Variants in ASIC5 observed in about 807,000 individuals in gnomAD.
ASIC5 encodes the protein bile acid-sensitive ion channel.
ASIC5 carries 52 observed loss-of-function variants against 51.2 expected under a neutral mutation model. The observed-to-expected ratio is 1.02, with a 90% confidence interval of 0.81 to 1.28. The LOEUF is 1.28. Ranked by LOEUF, ASIC5 falls within the 50% of genes most tolerant of loss-of-function variation. The pLI is 0.00. For synonymous variants in ASIC5, 231 were observed against 200.7 expected (o/e 1.15, Z -1.28); for missense variants, 635 against 595.0 (o/e 1.07, Z -0.70).
At chr4:155,833,696 C>T (rs1031169508) in intron 8 of ASIC5, among the ~76,000 whole-genome samples, 15 of 152,166 alleles carry the variant, frequency 9.9e-5, no homozygotes, top group African/African-American at 3.6e-4. Context: ...ATTTCCCAAG[C>T]ACAACATTCA....
chr4:155,853,707 A>G (rs1288556045), intron 3 of ASIC5, among the ~76,000 whole-genome samples: 2 of 150,516 alleles, frequency 1.3e-5, no homozygotes, highest in Non-Finnish European at 3.0e-5. Context: ...TACCATAAGC[A>G]TATATGCAGA....
intron 6 of ASIC5, among the ~76,000 whole-genome samples, chr4:155,840,572 C>T (rs1741093998): frequency 6.6e-6 from 1 of 150,872 alleles, no homozygotes; most frequent in South Asian, 2.1e-4. Context: ...TGTTTCTAAC[C>T]TCCAAGCTGT....
At chr4:155,865,359 A>C (rs938149358) in intron 1 of ASIC5, among the ~76,000 whole-genome samples, 2 of 152,106 alleles carry the variant, frequency 1.3e-5, no homozygotes, top group African/African-American at 4.8e-5. Flanking sequence ...AATTAGCAAA[A>C]TATATTTAAA....
At chr4:155,865,496 A>G (rs1028451197) in intron 1 of ASIC5, among the ~76,000 whole-genome samples, 1 of 152,138 alleles carries the variant, frequency 6.6e-6, no homozygotes, top group African/African-American at 2.4e-5. Context: ...AACTATTAGA[A>G]GGGGAAGACT....
At chr4:155,832,662 C>T (rs935381429) in intron 8 of ASIC5, among the ~76,000 whole-genome samples, 17 of 152,122 alleles carry the variant, frequency 1.1e-4, no homozygotes, top group Non-Finnish European at 1.6e-4. Flanking sequence ...AACTTTAATA[C>T]GTTCCAAGTC....
In ASIC5 at chr4:155,836,873, G is replaced by A; in HGVS notation, c.1067-16C>T. On this transcript the variant is annotated splice_polypyrimidine_tract_variant and intron_variant, in intron 7 of 9. Coordinates refer to ENST00000537611, the MANE Select transcript of ASIC5 (RefSeq NM_017419.3). The stretch of plus-strand genomic sequence containing the variant: ...TCAATGTGGTCTGAAATGAAAATCA[G>A]GACAGGGAATTCAGAGAAGAGAAAT... The A allele has an allele frequency of 6.4e-7, 1 of 1,553,234 alleles. No homozygotes were observed. The highest frequency in any genetic ancestry group is 1.8e-5 in the Admixed American group (1 of 55,184).
intron 4 of ASIC5, among the ~76,000 whole-genome samples, chr4:155,848,152 T>C (rs1409070545): frequency 2.0e-5 from 3 of 151,974 alleles, no homozygotes; most frequent in African/African-American, 7.2e-5. Context: ...AAGAATGAAG[T>C]TTTTTTCTTT....
At chr4:155,848,483 G>A (rs1005810134) in intron 4 of ASIC5, among the ~76,000 whole-genome samples, 1 of 151,944 alleles carries the variant, frequency 6.6e-6, no homozygotes, top group Non-Finnish European at 1.5e-5. Context: ...TAATGGAAAG[G>A]CCTGTAATTC....
chr4:155,841,145 T>G (rs943421811), intron 6 of ASIC5, among the ~76,000 whole-genome samples: 1 of 152,162 alleles, frequency 6.6e-6, no homozygotes, highest in African/African-American at 2.4e-5. Context: ...TGAATTAGTT[T>G]TTCTCTATTG....
chr4:155,852,874 A>C (rs1435099837), intron 3 of ASIC5, among the ~76,000 whole-genome samples: 2 of 152,006 alleles, frequency 1.3e-5, no homozygotes, highest in Non-Finnish European at 2.9e-5. Flanking sequence ...TATTAAGTGG[A>C]TACTGGAGTG....
chr4:155,838,382 T>A (rs7668306), intron 7 of ASIC5, among the ~76,000 whole-genome samples: 111,291 of 152,108 alleles, frequency 0.73, 43,681 homozygotes, highest in Non-Finnish European at 0.87. Flanking sequence ...ATTCCATTTA[T>A]GAAAAAATTT....
chr4:155,863,226 T>A (rs1560755305), intron 2 of ASIC5, among the ~76,000 whole-genome samples: 1 of 151,976 alleles, frequency 6.6e-6, no homozygotes, highest in Non-Finnish European at 1.5e-5. Flanking sequence ...TAGAATATGA[T>A]TGTGGAAGGA....
Position 155,863,608 on chromosome 4 carries a change from C to A in ASIC5, c.187G>T (p.Val63Leu), listed in dbSNP as rs755908351. 6.8e-6 allele frequency: 11 copies of A among 1,613,774 alleles called. No homozygotes were observed. The East Asian group carries it at 2.5e-4, about 36-fold the overall frequency. ...IVQNRSKIRR[V>L]LWLVVVLGSV... The stretch of plus-strand genomic sequence containing the variant: ...CCCAGAACCACCACCAACCAGAGCA[C>A]CCTGCGAATTTTGCTCCGGTTCTGA... Residue 63 changes from valine to leucine, a missense_variant, in exon 2 of 10, where the codon GTG becomes TTG. Coordinates refer to ENST00000537611, the MANE Select transcript of ASIC5 (RefSeq NM_017419.3).
At position 155,829,836 on chromosome 4, in the gene ASIC5, T is replaced by C. The variant is rs1428805426; in HGVS notation, c.*20A>G. On this transcript the variant is annotated 3_prime_UTR_variant, in exon 10 of 10. Coordinates refer to ENST00000537611, the MANE Select transcript of ASIC5 (RefSeq NM_017419.3). Reference sequence around the variant, plus strand: ...TCTGAAGGTATCATGAAAAGGAAACTATTTTATTCTAAGTGACCATTAACA... The same window carrying C: ...TCTGAAGGTATCATGAAAAGGAAACCATTTTATTCTAAGTGACCATTAACA... 7.0e-7 allele frequency: 1 copy of C among 1,438,704 alleles called. No homozygotes were observed. Among genetic ancestry groups the C allele is most frequent in the Non-Finnish European group, 9.3e-7 (1 of 1,079,666 alleles). 89.1% of individuals were successfully genotyped at this position (1,438,704 alleles called of 1,614,324 possible).
At chr4:155,855,646 C>T (rs1741517318) in intron 2 of ASIC5, among the ~76,000 whole-genome samples, 1 of 150,692 alleles carries the variant, frequency 6.6e-6, no homozygotes, top group Non-Finnish European at 1.5e-5. Context: ...CCTGAACCTC[C>T]TTTGTGTCCC....
chr4:155,837,668 C>T (rs1357641277), intron 7 of ASIC5, among the ~76,000 whole-genome samples: 3 of 152,078 alleles, frequency 2.0e-5, no homozygotes, highest in Non-Finnish European at 4.4e-5. Flanking sequence ...TTTGACTTCT[C>T]TAGGAGAAGT....
chr4:155,836,612 T>G (rs1740985169), intron 8 of ASIC5, 77 bp downstream of exon 8: 1 of 867,584 alleles, frequency 1.2e-6, no homozygotes, highest in Non-Finnish European at 1.7e-6. Flanking sequence ...TTTCATTTCC[T>G]GAGTCTTTGA....
At chr4:155,839,203 T>C (rs1484215173) in intron 6 of ASIC5, among the ~76,000 whole-genome samples, 1 of 152,166 alleles carries the variant, frequency 6.6e-6, no homozygotes, top group Non-Finnish European at 1.5e-5. Context: ...TCTCATTTGA[T>C]ATGGTTCACA....
intron 8 of ASIC5, among the ~76,000 whole-genome samples, chr4:155,836,145 T>G (rs1029549029): frequency 1.3e-5 from 2 of 152,198 alleles, no homozygotes; most frequent in Non-Finnish European, 2.9e-5. Context: ...AATTTAATTC[T>G]CAGTTAATCA....
Sources: allele counts gnomAD v4.1 joint callset (sites outside exome capture counted in the v4.1 genomes callset), GRCh38; gene constraint gnomAD v4.1.1; transcripts MANE v1.5; gene names NCBI Gene and HGNC (gene_info 2026-07-23, HGNC 2026-07-21).